MESP1: variants seen among roughly 807,000 people sequenced by gnomAD.
MESP1 encodes mesoderm posterior bHLH transcription factor 1, also known as mesoderm posterior protein 1.
Under a neutral mutation model 15.2 loss-of-function variants are expected in MESP1, and 22 were observed. The observed-to-expected ratio is 1.45, with a 90% CI of 1.04 to 2.07. The LOEUF (loss-of-function observed/expected upper bound fraction) is 2.07. Among genes scored for constraint, MESP1 ranks in the 30% most tolerant of loss-of-function variants. The pLI is 0.00. For synonymous variants in MESP1, 216 were observed against 192.6 expected, an observed-to-expected ratio of 1.12 and a Z score of -1.01; for missense variants, 484 against 411.9, an observed-to-expected ratio of 1.17 and a Z score of -1.51.
At chr15:89,750,378 G>A (rs1041400364) in intron 1 of MESP1, 131 bp downstream of exon 1, 93 of 1,473,758 alleles carry the variant, frequency 6.3e-5, no homozygotes, top group African/African-American at 1.4e-5. Flanking sequence ...TTGGAGCCCT[G>A]GGCATACTAT....
Position 89,750,607 on chromosome 15 carries a change from C to T in MESP1, c.625G>A (p.Gly209Arg). ...ASWGSPPACP[G>R]ARAAPEPRDP... ...CGCGGCTCGGGTGCAGCTCGGGCTC[C>T]GGGGCAGGCAGGCGGGGATCCCCAG... The change falls in exon 1 of 2, where the codon GGA (glycine) becomes AGA (arginine). Residue 209 changes from glycine (G) to arginine (R), a missense_variant. Physicochemically the swap from Gly to Arg is moderately radical, Grantham distance 125. Transcript: ENST00000300057. The T allele has an allele frequency of 1.4e-6, 2 of 1,395,656 alleles. No individual in the cohort carries two copies. Among genetic ancestry groups the T allele is most frequent in the East Asian group, 3.0e-5 (1 of 33,842 alleles). The allele number at this position is 1,395,656 out of a possible 1,614,324, so 86.5% of individuals were successfully genotyped here.
the MESP1 span, among the ~76,000 whole-genome samples, chr15:89,736,665 G>A: frequency 1.3e-5 from 2 of 152,154 alleles, no homozygotes; most frequent in Non-Finnish European, 2.9e-5. Context: ...GAACATGGTG[G>A]AGACGAGTGG....
rs756556623 is a variant in MESP1 at position 89,751,116 on chromosome 15, G to A, written c.116C>T (p.Ser39Phe). Reference sequence around the variant, plus strand: ...TGGGGTGCTGCCCCATGAGTCTGGGGACGAGACGAGGGAGCGGCCGCAGTC... The same window carrying A: ...TGGGGTGCTGCCCCATGAGTCTGGGAACGAGACGAGGGAGCGGCCGCAGTC... ...DKDCGRSLVS[S>F]PDSWGSTPAD... is the part of the protein sequence containing the mutation. The change falls in exon 1 of 2, where the codon TCC (serine) becomes TTC (phenylalanine). Residue 39 changes from serine (S) to phenylalanine (F), a missense_variant. Physicochemically the swap from Ser to Phe is radical, Grantham distance 155. Coordinates refer to ENST00000300057, the MANE Select transcript of MESP1 (RefSeq NM_018670.4). 12 of 1,290,202 alleles carry A rather than the reference G, an allele frequency of 9.3e-6. No homozygotes were observed. Among genetic ancestry groups the A allele is most frequent in the Middle Eastern group, 2.8e-4 (1 of 3,518 alleles). 79.9% of individuals were successfully genotyped at this position (1,290,202 alleles called of 1,614,324 possible).
At chr15:89,736,824 C>T in the MESP1 span, among the ~76,000 whole-genome samples, 3 of 149,192 alleles carry the variant, frequency 2.0e-5, no homozygotes, top group Non-Finnish European at 4.4e-5. Context: ...CGGAGTCTCG[C>T]TCTGCCGCCC....
At chr15:89,732,913 A>C in the MESP1 span, 8 of 1,196,310 alleles carry the variant, frequency 6.7e-6, no homozygotes, top group East Asian at 1.6e-4. Flanking sequence ...ACATCCTACA[A>C]GTCCCTCACA....
Position 89,750,190 on chromosome 15 carries a change from C to G in MESP1, c.761G>C (p.Trp254Ser). 1 of 1,614,076 alleles carries G rather than the reference C, an allele frequency of 6.2e-7. No individual in the cohort carries two copies. Among genetic ancestry groups the G allele is most frequent in the South Asian group, 1.1e-5 (1 of 91,090 alleles). The change falls in exon 2 of 2, where the codon TGG (tryptophan) becomes TCG (serine). Residue 254 changes from tryptophan (W) to serine (S), a missense_variant. By Grantham distance (177) the Trp-to-Ser change is radical. Coordinates refer to ENST00000300057, the MANE Select transcript of MESP1 (RefSeq NM_018670.4). ...CCACTCCAGAGGCGAGAGGGGCATC[C>G]AGGTCTCCAACAGAGCCAGCACGTC... ...PGDVLALLETWMPLSPLEWLP... is the reference protein window; with the variant it reads ...PGDVLALLETSMPLSPLEWLP...
chr15:89,750,985 G>T lies in MESP1; in HGVS notation c.247C>A (p.Gln83Lys), dbSNP rs746255640. Residue 83 changes from glutamine to lysine, a missense_variant, in exon 1 of 2, where the codon CAG becomes AAG. Coordinates refer to ENST00000300057, the MANE Select transcript of MESP1 (RefSeq NM_018670.4). Reference protein sequence around the residue: ...GARSSRLGSGQRQSASEREKL... With the variant: ...GARSSRLGSGKRQSASEREKL... The stretch of plus-strand genomic sequence containing the variant: ...TCCCGCTCACTGGCGCTCTGCCTCT[G>T]CCCGCTGCCCAGGCGGCTGCTGCGC... 2.9e-5 allele frequency: 41 copies of T among 1,405,468 alleles called. No homozygotes were observed. The highest frequency in any genetic ancestry group is 6.4e-5 in the Admixed American group (2 of 31,314). The allele number at this position is 1,405,468 out of a possible 1,614,324, so 87.1% of individuals were successfully genotyped here.
the MESP1 span, chr15:89,737,952 G>A: frequency 7.0e-7 from 1 of 1,433,768 alleles, no homozygotes; most frequent in Non-Finnish European, 9.4e-7. Context: ...TTTATAAGCA[G>A]AGAGCAGCCC....
the MESP1 span, chr15:89,738,367 CT>C: frequency 8.9e-7 from 1 of 1,125,476 alleles, no homozygotes; most frequent in Non-Finnish European, 1.2e-6. Flanking sequence ...TGGCTCACGC[CT>C]GTAATCCCAG....
downstream of MESP1, among the ~76,000 whole-genome samples, chr15:89,745,490 G>A (rs1007806887): frequency 1.2e-4 from 19 of 152,298 alleles, no homozygotes; most frequent in Non-Finnish European, 2.2e-4. The surrounding 1 kb of genome is among the most constrained non-coding windows in gnomAD (Gnocchi z 4.8). Flanking sequence ...TTGGCCGGGC[G>A]CGGTGGCTCA....
the MESP1 span, chr15:89,738,044 A>C: frequency 6.2e-7 from 1 of 1,608,248 alleles, no homozygotes; most frequent in Middle Eastern, 1.7e-4. Flanking sequence ...GTCACAGGAG[A>C]CTATTCACAT....
At chr15:89,743,022 G>C in the MESP1 span, among the ~76,000 whole-genome samples, 1 of 152,208 alleles carries the variant, frequency 6.6e-6, no homozygotes, top group African/African-American at 2.4e-5. Context: ...ACCACAGCTT[G>C]TTTGCAAATA....
chr15:89,738,626 CAAAA>C, the MESP1 span, among the ~76,000 whole-genome samples: 2 of 81,456 alleles, frequency 2.5e-5, no homozygotes, highest in Admixed American at 1.5e-4. Context: ...GACTCTGTCC[CAAAA>C]AAAAAAAAAA....
chr15:89,736,516 A>G, the MESP1 span, among the ~76,000 whole-genome samples: 1 of 152,112 alleles, frequency 6.6e-6, no homozygotes, highest in African/African-American at 2.4e-5. Context: ...GGGCACTACC[A>G]TCACTTACAG....
the MESP1 span, chr15:89,738,206 A>G: frequency 6.2e-7 from 1 of 1,612,998 alleles, no homozygotes; most frequent in African/African-American, 1.3e-5. Context: ...CTGCCACTGG[A>G]GAAGAGATGT....
At chr15:89,739,057 A>G in the MESP1 span, among the ~76,000 whole-genome samples, 2 of 151,954 alleles carry the variant, frequency 1.3e-5, no homozygotes, top group African/African-American at 4.8e-5. Flanking sequence ...CAGAGGATGC[A>G]GTGAGCCAAG....
chr15:89,747,137 CA>C (rs1567139506), downstream of MESP1, among the ~76,000 whole-genome samples: 350 of 150,972 alleles, frequency 2.3e-3, 2 homozygotes, highest in African/African-American at 7.8e-3. Context: ...CACACACACA[CA>C]CACACACACC....
At chr15:89,745,080 C>A (rs961739258), downstream of MESP1, among the ~76,000 whole-genome samples, 5 of 152,116 alleles carry the variant, frequency 3.3e-5, no homozygotes, top group South Asian at 1.0e-3. This position sits in a 1 kb window ranked among gnomAD's most constrained non-coding sequence, Gnocchi z 4.8. Context: ...ATGACAGGGC[C>A]ATGAGGGAGG....
the MESP1 span, chr15:89,738,001 C>T: frequency 1.7e-5 from 26 of 1,557,656 alleles, no homozygotes; most frequent in East Asian, 4.5e-5. Flanking sequence ...ACTGAGAAAG[C>T]GATTGTTACA....
Sources: allele counts gnomAD v4.1 joint callset (sites outside exome capture counted in the v4.1 genomes callset), GRCh38; gene constraint gnomAD v4.1.1; non-coding constraint Gnocchi (gnomAD v3.1); transcripts MANE v1.5; gene names NCBI Gene and HGNC (gene_info 2026-07-23, HGNC 2026-07-21).